Variants in LMLN observed in about 807,000 individuals in gnomAD.
The protein encoded by LMLN is leishmanolysin-like peptidase.
A neutral mutation model predicts 92.3 loss-of-function variants in LMLN; 70 were observed. The observed-to-expected ratio is 0.76, with a 90% CI of 0.63 to 0.92. The LOEUF is 0.92. Ranked by LOEUF, LMLN falls within the 40% of genes least tolerant of loss-of-function variation. The pLI is 0.00. For missense variants in LMLN, 691 were observed against 814.6 expected, an observed-to-expected ratio of 0.85 and a Z score of 1.85; for synonymous variants, 308 against 296.2, an observed-to-expected ratio of 1.04 and a Z score of -0.41.
intron 3 of LMLN, among the ~76,000 whole-genome samples, 155 bp downstream of exon 3, chr3:197,975,227 T>C (rs1721336524): frequency 6.6e-6 from 1 of 152,264 alleles, no homozygotes; most frequent in African/African-American, 2.4e-5. Flanking sequence ...GGTGTCTTTG[T>C]GATGCTCTCA....
Position 197,966,159 on chromosome 3 carries a change from C to T in LMLN, c.219+5719C>T, listed in dbSNP as rs539210979. Among the ~76,000 whole-genome samples the T allele has an allele frequency of 3.1e-3, 473 of 152,346 alleles. 3 individuals are homozygous for T. The highest frequency in any genetic ancestry group is 0.011 in the African/African-American group (449 of 41,574). ...CTGGGTTCAAGCAATTCTCCTGCCT[C>T]AGCCTCCAGAGTAGCTGGGATTACA... On this transcript the variant is annotated intron_variant, in intron 1 of 15. Transcript: ENST00000330198.
At chr3:197,990,603 A>G in exon 9 of LMLN, 2 of 1,600,252 alleles carry the variant, frequency 1.2e-6, no homozygotes. Context: ...CGAAAAGTGG[A>G]GAGATTATGG....
At position 198,001,317 on chromosome 3, in the gene LMLN, A is replaced by G. The variant is rs137870300; in HGVS notation, c.1232+1975A>G. ...CCTACCATGCGACAAATGCTTAGGA[A>G]CTGTTGACTGCTAATACAGAAAGAG... On this transcript the variant is annotated intron_variant, in intron 11 of 15. Transcript: ENST00000330198. 2.0e-5 allele frequency among the ~76,000 whole-genome samples: 3 copies of G among 152,318 alleles called. No individual in the cohort carries two copies. In the East Asian group the frequency reaches 5.8e-4, roughly 29 times the overall value.
At position 197,972,440 on chromosome 3, in the gene LMLN, T is replaced by G. The variant is rs115827168; in HGVS notation, c.220-1937T>G. 4.5e-3 allele frequency among the ~76,000 whole-genome samples: 679 copies of G among 152,330 alleles called. 2 individuals are homozygous for G. The highest frequency in any genetic ancestry group is 0.016 in the African/African-American group (658 of 41,584). On this transcript the variant is annotated intron_variant, in intron 1 of 15. Coordinates refer to ENST00000330198, the Ensembl canonical transcript of LMLN. ...TTTGGCTCTTTTTTCTTTGGTTCTT[T>G]TCATAGTGTCTCTTCTGAGGTTCAC...
chr3:197,986,348 C>T (rs1209851896), intron 8 of LMLN, among the ~76,000 whole-genome samples: 2 of 152,100 alleles, frequency 1.3e-5, no homozygotes, highest in African/African-American at 4.8e-5. Flanking sequence ...GTAGTCCCAG[C>T]TACTTGGGGT....
chr3:197,960,263 C>A lies in LMLN; in HGVS notation c.42C>A (p.Gly14=), dbSNP rs372368519. The A allele has an allele frequency of 3.7e-6, 6 of 1,613,184 alleles. 2 individuals carry two copies. In the South Asian group the frequency reaches 5.5e-5, roughly 15 times the overall value. The change falls in exon 1 of 16, where the codon GGC becomes GGA. Residue 14 remains glycine (G), a synonymous_variant. Transcript: ENST00000330198. ...GCCCGAAGATGGCGGCCGAATGGGG[C>A]GGAGGAGTGGGTTACTCGGGCTCAG...
chr3:198,021,769 G>C (rs1171037434), intron 13 of LMLN, among the ~76,000 whole-genome samples, 164 bp downstream of exon 14: 1 of 152,198 alleles, frequency 6.6e-6, no homozygotes. Flanking sequence ...TTCCCTGCCT[G>C]TTTCTTCATC....
At chr3:197,986,003 T>A in intron 8 of LMLN, 113 bp downstream of exon 8, 1 of 660,830 alleles carries the variant, frequency 1.5e-6, no homozygotes, top group Non-Finnish European at 2.6e-6. Flanking sequence ...ATGGCAAACC[T>A]AAGGAAATTG....
At chr3:198,013,413 C>G (rs1722511071) in intron 11 of LMLN, among the ~76,000 whole-genome samples, 2 of 122,866 alleles carry the variant, frequency 1.6e-5, no homozygotes, top group South Asian at 2.6e-4. Flanking sequence ...CCTAACTAGT[C>G]TGACTTCTCT....
chr3:197,984,857 G>A (rs1280608702), intron 7 of LMLN, among the ~76,000 whole-genome samples: 1 of 151,668 alleles, frequency 6.6e-6, no homozygotes, highest in Admixed American at 6.6e-5. Flanking sequence ...TGTATTTTTA[G>A]TAGAGATGGG....
chr3:197,979,963 A>G (rs1721510714), intron 5 of LMLN, among the ~76,000 whole-genome samples: 1 of 152,190 alleles, frequency 6.6e-6, no homozygotes, highest in Non-Finnish European at 1.5e-5. Context: ...TGTAGATTCA[A>G]AGAAAGTTGA....
In LMLN at chr3:197,965,258, A is replaced by G. The variant is rs183121888; in HGVS notation, c.219+4818A>G. 1.2e-4 allele frequency among the ~76,000 whole-genome samples: 18 copies of G among 152,244 alleles called. No homozygotes were observed. The East Asian group carries it at 2.1e-3, about 18-fold the overall frequency. Reference sequence around the variant, plus strand: ...GGTCTTGAACTCCCAGTTTCAAGCAATCCTCCTGCTTCAGCCTCCCAAAGT... The same window carrying G: ...GGTCTTGAACTCCCAGTTTCAAGCAGTCCTCCTGCTTCAGCCTCCCAAAGT... On this transcript the variant is annotated intron_variant, in intron 1 of 15. Transcript: ENST00000330198.
At chr3:197,988,703 A>C (rs1721782155) in intron 8 of LMLN, among the ~76,000 whole-genome samples, 4 of 151,346 alleles carry the variant, frequency 2.6e-5, no homozygotes, top group African/African-American at 7.3e-5. Context: ...ATTTTTTGAG[A>C]TGGAGTCTCA....
chr3:197,990,492 G>T, intron 8 of LMLN, 67 bp from the exon 9 acceptor site: 1 of 682,372 alleles, frequency 1.5e-6, no homozygotes, highest in Non-Finnish European at 2.5e-6. Flanking sequence ...TACAGTAAAT[G>T]TAAATATTTT....
chr3:198,026,644 C>T (rs945626161), intron 14 of LMLN, among the ~76,000 whole-genome samples: 2 of 152,174 alleles, frequency 1.3e-5, no homozygotes, highest in African/African-American at 2.4e-5. Flanking sequence ...ATTCTAAGCT[C>T]ACTTTGTTCT....
At chr3:198,021,559 T>C in exon 13 of LMLN, 1 of 1,614,140 alleles carries the variant, frequency 6.2e-7, no homozygotes, top group Non-Finnish European at 8.5e-7. Flanking sequence ...ATTTAAGTGG[T>C]GAATATCAGC....
intron 11 of LMLN, among the ~76,000 whole-genome samples, chr3:198,017,715 G>A (rs377222666): frequency 1.3e-5 from 2 of 152,104 alleles, no homozygotes; most frequent in South Asian, 4.1e-4. Flanking sequence ...TCCAGAGATT[G>A]AGACCATCCT....
intron 11 of LMLN, among the ~76,000 whole-genome samples, chr3:198,006,623 T>C (rs983532330): frequency 2.6e-5 from 4 of 152,220 alleles, no homozygotes; most frequent in South Asian, 4.1e-4. Flanking sequence ...ATTTTGGTTT[T>C]AATTTGTGTT....
At chr3:197,980,367 A>G in exon 6 of LMLN, 6 of 1,614,084 alleles carry the variant, frequency 3.7e-6, no homozygotes, top group Non-Finnish European at 5.1e-6. Context: ...CTCATGGAGC[A>G]GTGGGTGTGC....
Sources: allele counts gnomAD v4.1 joint callset (sites outside exome capture counted in the v4.1 genomes callset), GRCh38; gene constraint gnomAD v4.1.1; transcripts MANE v1.5; gene names NCBI Gene and HGNC (gene_info 2026-07-23, HGNC 2026-07-21).